R3HDM1: variants seen among roughly 807,000 people sequenced by gnomAD.
The protein encoded by R3HDM1 is R3H domain-containing protein 1.
Under a neutral mutation model 141.1 loss-of-function variants are expected in R3HDM1, and 46 were observed. That is an observed-to-expected ratio of 0.33 (90% CI 0.26 to 0.42). The LOEUF (loss-of-function observed/expected upper bound fraction) is 0.42. Among genes scored for constraint, R3HDM1 ranks in the 10% least tolerant of loss-of-function variants. The probability of loss-of-function intolerance (pLI) is 1.00; values close to 1 mark genes in which losing one functional copy is unlikely to be tolerated. For synonymous variants in R3HDM1, 435 were observed against 472.9 expected (o/e 0.92, Z 1.04); for missense variants, 1,184 against 1,368.3 (o/e 0.87, Z 2.12).
At chr2:135,596,347 A>G (rs567868005) in intron 1 of R3HDM1, among the ~76,000 whole-genome samples, 1 of 152,276 alleles carries the variant, frequency 6.6e-6, no homozygotes, top group East Asian at 1.9e-4. Flanking sequence ...ATTTTTTGTT[A>G]TTCTCATTTA....
chr2:135,542,335 G>C (rs1448384400), intron 1 of R3HDM1, among the ~76,000 whole-genome samples: 1 of 152,152 alleles, frequency 6.6e-6, no homozygotes, highest in Non-Finnish European at 1.5e-5. Flanking sequence ...GTTCAATTGT[G>C]TTATTTTTAC....
chr2:135,672,844 G>A (rs1328987533), intron 19 of R3HDM1, among the ~76,000 whole-genome samples: 3 of 152,074 alleles, frequency 2.0e-5, no homozygotes, highest in East Asian at 3.9e-4. Context: ...GGTAGCTCTC[G>A]CCTGTAATCC....
chr2:135,573,898 T>A (rs1704739814), intron 1 of R3HDM1, among the ~76,000 whole-genome samples: 1 of 152,114 alleles, frequency 6.6e-6, no homozygotes, highest in Admixed American at 6.6e-5. Context: ...TAAAAAAATT[T>A]ATAGCAGTAA....
intron 1 of R3HDM1, among the ~76,000 whole-genome samples, chr2:135,585,952 A>G (rs1707805614): frequency 6.6e-6 from 1 of 152,244 alleles, no homozygotes; most frequent in Admixed American, 6.5e-5. Flanking sequence ...GCTATTACAG[A>G]CAAATTGCCT....
intron 23 of R3HDM1, among the ~76,000 whole-genome samples, chr2:135,712,516 C>T (rs551174681): frequency 1.3e-5 from 2 of 151,266 alleles, no homozygotes; most frequent in East Asian, 1.9e-4. Context: ...AAGCGGTCCA[C>T]CTGGCTCAGC....
At chr2:135,690,187 C>A (rs1240304178) in intron 21 of R3HDM1, among the ~76,000 whole-genome samples, 2 of 151,680 alleles carry the variant, frequency 1.3e-5, no homozygotes, top group Admixed American at 6.6e-5. Flanking sequence ...ACTTGTGATA[C>A]CTCTCTTGTA....
Position 135,661,284 on chromosome 2 carries a change from T to C in R3HDM1, c.2043T>C (p.Tyr681=), listed in dbSNP as rs760264284. The C allele has an allele frequency of 3.7e-6, 6 of 1,614,186 alleles. No homozygotes were observed. The highest frequency in any genetic ancestry group is 1.3e-5 in the African/African-American group (1 of 75,060). Residue 681 remains tyrosine (Y), a synonymous_variant, in exon 19 of 27, where the codon TAT becomes TAC. Transcript: ENST00000683871. ...QQPSPQMPAC[Y]CAPGHYHSSQ... ...TATGATCCTAGATGCCAGCCTGTTA[T>C]TGCGCTCCAGGCCACTATCACTCCA...
chr2:135,531,984 G>A (rs769006105), intron 1 of R3HDM1, among the ~76,000 whole-genome samples: 2 of 152,242 alleles, frequency 1.3e-5, no homozygotes, highest in East Asian at 1.9e-4. Context: ...GCAGGGGAAA[G>A]GTTTCCGAGT....
chr2:135,603,951 G>A (rs965701289), intron 2 of R3HDM1, among the ~76,000 whole-genome samples: 1 of 152,146 alleles, frequency 6.6e-6, no homozygotes, highest in African/African-American at 2.4e-5. Flanking sequence ...TAAAATGAGT[G>A]CTATCTTTAG....
chr2:135,715,498 A>C, intron 23 of R3HDM1, 52 bp from the exon 24 acceptor site: 1 of 1,574,590 alleles, frequency 6.4e-7, no homozygotes, highest in Non-Finnish European at 8.6e-7. Flanking sequence ...AAGAATAAAA[A>C]ATAAGCCTGC....
At position 135,684,051 on chromosome 2, in the gene R3HDM1, A is replaced by G. The variant is rs185798823; in HGVS notation, c.2459+3727A>G. Among the ~76,000 whole-genome samples, 15 of 152,028 alleles carry G rather than the reference A, an allele frequency of 9.9e-5. No homozygotes were observed. The East Asian group carries it at 2.9e-3, about 29-fold the overall frequency. On this transcript the variant is annotated intron_variant, in intron 21 of 26. Transcript: ENST00000683871. ...CATAGAGTCAGAGCTTGGTAAATCTATACTGAATGAACATATTTCTTTTGT... is the reference window on the plus strand; with the variant it reads ...CATAGAGTCAGAGCTTGGTAAATCTGTACTGAATGAACATATTTCTTTTGT...
At chr2:135,549,581 A>AAAC (rs60736969) in intron 1 of R3HDM1, among the ~76,000 whole-genome samples, 1 of 145,608 alleles carries the variant, frequency 6.9e-6, no homozygotes, top group African/African-American at 2.6e-5. Context: ...AAAAAAAAAA[A>AAAC]CAAAAACAAA....
At chr2:135,701,223 CAAAAAAAAAAAAA>C (rs748354211) in intron 21 of R3HDM1, among the ~76,000 whole-genome samples, 39 of 82,432 alleles carry the variant, frequency 4.7e-4, no homozygotes, top group African/African-American at 1.6e-3. Context: ...TCATCTCTAC[CAAAAAAAAAAAAA>C]AAAAAAAACT....
chr2:135,724,120 G>A lies in R3HDM1; in HGVS notation c.3233G>A (p.Arg1078His), dbSNP rs114639828. ...GSGDNTANPE[R>H]SKPSDLASTY... ...GGGGACAACACTGCCAACCCTGAAC[G>A]CTCTAAACCCAGTGACTTGGCCTCC... is the stretch of plus-strand genomic sequence containing the variant. Residue 1078 changes from arginine to histidine, a missense_variant, in exon 27 of 27, where the codon CGC becomes CAC. By Grantham distance (29) the Arg-to-His change is conservative (BLOSUM62 0). Transcript: ENST00000683871. 3.8e-5 allele frequency: 62 copies of A among 1,613,928 alleles called. No individual in the cohort carries two copies. The highest frequency in any genetic ancestry group is 2.8e-4 in the African/African-American group (21 of 74,924).
At chr2:135,569,759 C>T (rs1219625200) in intron 1 of R3HDM1, among the ~76,000 whole-genome samples, 3 of 142,770 alleles carry the variant, frequency 2.1e-5, no homozygotes, top group East Asian at 4.0e-4. Flanking sequence ...GGGAGTCTCG[C>T]TCTGTCACTC....
rs199515262 is a variant in R3HDM1, at chr2:135,661,382, C to G, written c.2141C>G (p.Ala714Gly). The change falls in exon 19 of 27, where the codon GCG (alanine) becomes GGG (glycine). Residue 714 changes from alanine to glycine, a missense_variant. Ala to Gly is a moderately conservative substitution (Grantham distance 60). This residue lies in a region of R3HDM1 where 563 missense variants were observed against 562.0 expected (regional missense o/e 1.00). Coordinates refer to ENST00000683871, the MANE Select transcript of R3HDM1 (RefSeq NM_001378107.1). ...SHLNQPLPQP[A>G]QQTGYQVIPN... ...CTAAACCAACCACTGCCACAACCTG[C>G]GCAGCAGACAGGTGAGTTGTGTTTC... The G allele has an allele frequency of 5.6e-6, 9 of 1,613,758 alleles. 1 individual carries two copies. In the South Asian group the frequency reaches 9.9e-5, roughly 18 times the overall value.
At chr2:135,620,221 C>T in intron 5 of R3HDM1, 1 of 879,596 alleles carries the variant, frequency 1.1e-6, no homozygotes, top group African/African-American at 1.8e-5. Context: ...CTGGATTTCA[C>T]TGGGTTCCTC....
At chr2:135,722,402 G>C (rs2076782140) in intron 25 of R3HDM1, 67 bp from the exon 26 acceptor site, 3 of 1,532,816 alleles carry the variant, frequency 2.0e-6, no homozygotes, top group Non-Finnish European at 2.7e-6. Flanking sequence ...GTGTTAATTT[G>C]TTAAACATCC....
intron 1 of R3HDM1, among the ~76,000 whole-genome samples, chr2:135,542,418 G>A (rs1475723597): frequency 2.6e-5 from 4 of 152,032 alleles, no homozygotes; most frequent in Non-Finnish European, 1.5e-5. Context: ...TACAGTTTTT[G>A]TTTTCACTTT....
Sources: allele counts gnomAD v4.1 joint callset (sites outside exome capture counted in the v4.1 genomes callset), GRCh38; gene constraint gnomAD v4.1.1; regional missense constraint gnomAD v4.1.1; transcripts MANE v1.5; gene names NCBI Gene and HGNC (gene_info 2026-07-23, HGNC 2026-07-21).